Variants in LMBR1 observed in about 807,000 individuals in gnomAD.
LMBR1 encodes limb region 1 protein homolog.
Under a neutral mutation model 73.9 loss-of-function variants are expected in LMBR1, and 52 were observed. The observed-to-expected ratio is 0.70, with a 90% CI of 0.56 to 0.89. The LOEUF (loss-of-function observed/expected upper bound fraction) is 0.89, where lower values mean the gene tolerates loss of function less well. Ranked by LOEUF, LMBR1 falls within the 40% of genes least tolerant of loss-of-function variation. LMBR1 has a pLI of 0.00. For missense variants in LMBR1, 539 were observed against 579.8 expected, an observed-to-expected ratio of 0.93 and a Z score of 0.72; for synonymous variants, 215 against 209.4, an observed-to-expected ratio of 1.03 and a Z score of -0.23.
chr7:156,698,431 G>T (rs1053780909), intron 15 of LMBR1, among the ~76,000 whole-genome samples: 1 of 152,220 alleles, frequency 6.6e-6, no homozygotes, highest in Non-Finnish European at 1.5e-5. Flanking sequence ...CCCTAGCAGA[G>T]GTTCTCCGTG....
At position 156,803,305 on chromosome 7, in the gene LMBR1, G is replaced by A. The variant is rs1445469771; in HGVS notation, c.320-6813C>T. ...ACAATGAACTCAAACAAATTTACAGGAAAAAAACAAACAACCCCATCAAAA... is the reference window on the plus strand; with the variant it reads ...ACAATGAACTCAAACAAATTTACAGAAAAAAAACAAACAACCCCATCAAAA... On this transcript the variant is annotated intron_variant, in intron 4 of 16. Coordinates refer to ENST00000353442, the MANE Select transcript of LMBR1 (RefSeq NM_022458.4). Among the ~76,000 whole-genome samples the A allele has an allele frequency of 2.5e-4, 38 of 150,204 alleles. No homozygotes were observed. The South Asian group carries it at 4.0e-3, about 16-fold the overall frequency.
intron 5 of LMBR1, among the ~76,000 whole-genome samples, chr7:156,783,297 G>A (rs956641526): frequency 2.6e-5 from 4 of 151,842 alleles, no homozygotes; most frequent in African/African-American, 2.4e-5. Flanking sequence ...TTTGCCTCCC[G>A]AGAAGCTGGG....
At chr7:156,757,125 G>A (rs1822043494) in intron 8 of LMBR1, among the ~76,000 whole-genome samples, 1 of 152,062 alleles carries the variant, frequency 6.6e-6, no homozygotes, top group South Asian at 2.1e-4. Flanking sequence ...CAGCCTACAT[G>A]TACCAATTTT....
intron 5 of LMBR1, among the ~76,000 whole-genome samples, chr7:156,793,056 C>T (rs1829504500): frequency 6.6e-6 from 1 of 152,158 alleles, no homozygotes; most frequent in South Asian, 2.1e-4. Context: ...CAAATGTAAT[C>T]GATGAGCAAG....
chr7:156,717,493 A>G (rs1355386596), intron 15 of LMBR1, among the ~76,000 whole-genome samples: 1 of 152,188 alleles, frequency 6.6e-6, no homozygotes, highest in Non-Finnish European at 1.5e-5. Context: ...TGGCCAGAGA[A>G]GCAGAGGGAA....
chr7:156,704,360 T>C (rs1476725658), intron 15 of LMBR1, among the ~76,000 whole-genome samples: 3 of 152,122 alleles, frequency 2.0e-5, no homozygotes, highest in Admixed American at 1.3e-4. Context: ...AAAGAAATCA[T>C]GCAGCGTTTT....
chr7:156,738,544 G>A (rs935798535), intron 9 of LMBR1, among the ~76,000 whole-genome samples: 1 of 152,224 alleles, frequency 6.6e-6, no homozygotes, highest in African/African-American at 2.4e-5. Flanking sequence ...AGGCAGCAGA[G>A]CTCACAGCAA....
At chr7:156,842,626 T>C (rs1240595079) in intron 1 of LMBR1, among the ~76,000 whole-genome samples, 1 of 152,210 alleles carries the variant, frequency 6.6e-6, no homozygotes, top group Non-Finnish European at 1.5e-5. Flanking sequence ...AACTGAGTTT[T>C]TGCTTACACA....
downstream of LMBR1, among the ~76,000 whole-genome samples, chr7:156,674,785 T>G (rs189488821): frequency 6.6e-6 from 1 of 152,366 alleles, no homozygotes; most frequent in African/African-American, 2.4e-5. Context: ...AAAATTAATT[T>G]CACCTTTTAA....
intron 1 of LMBR1, among the ~76,000 whole-genome samples, chr7:156,860,132 T>C (rs1205246006): frequency 6.6e-6 from 1 of 152,144 alleles, no homozygotes; most frequent in Non-Finnish European, 1.5e-5. Flanking sequence ...TAACTCAAAA[T>C]AGATTGTATT....
chr7:156,763,975 T>C (rs1823614470), intron 5 of LMBR1, among the ~76,000 whole-genome samples, 180 bp from the exon 6 acceptor site: 1 of 152,198 alleles, frequency 6.6e-6, no homozygotes, highest in African/African-American at 2.4e-5. Context: ...TTTCAAATTA[T>C]GGAAAATATT....
chr7:156,734,298 C>G (rs1817444944), intron 9 of LMBR1, 41 bp from the exon 10 acceptor site: 3 of 1,334,370 alleles, frequency 2.2e-6, no homozygotes, highest in Non-Finnish European at 3.1e-6. Flanking sequence ...AACAGAACCC[C>G]TAACACTATA....
chr7:156,817,679 G>C (rs572043117), intron 4 of LMBR1, among the ~76,000 whole-genome samples: 1 of 152,054 alleles, frequency 6.6e-6, no homozygotes, highest in South Asian at 2.1e-4. Flanking sequence ...TATGTCCATT[G>C]TATAAATGCA....
intron 4 of LMBR1, among the ~76,000 whole-genome samples, chr7:156,818,094 A>C (rs745588583): frequency 6.6e-6 from 1 of 152,214 alleles, no homozygotes; most frequent in South Asian, 2.1e-4. Context: ...ACAACAGTAC[A>C]TTAAAATTTA....
At chr7:156,735,877 T>C (rs991746679) in intron 9 of LMBR1, among the ~76,000 whole-genome samples, 20 of 152,206 alleles carry the variant, frequency 1.3e-4, no homozygotes, top group African/African-American at 4.8e-4. Flanking sequence ...CTGTATCAGT[T>C]AGAGTTCATT....
chr7:156,724,096 T>C lies in LMBR1; in HGVS notation c.1225+16A>G. 1 of 1,597,636 alleles carries C rather than the reference T, an allele frequency of 6.3e-7. No individual in the cohort carries two copies. The highest frequency in any genetic ancestry group is 8.6e-7 in the Non-Finnish European group (1 of 1,169,190). ...AAACATGGATCTTTAAGTGAAAATTTCTCACTGAAACTTACCCAGTGTTCT... is the reference window on the plus strand; with the variant it reads ...AAACATGGATCTTTAAGTGAAAATTCCTCACTGAAACTTACCCAGTGTTCT... On this transcript the variant is annotated intron_variant, in intron 15 of 16. Coordinates refer to ENST00000353442, the MANE Select transcript of LMBR1 (RefSeq NM_022458.4).
intron 2 of LMBR1, among the ~76,000 whole-genome samples, chr7:156,835,591 AG>A (rs1837470271): frequency 6.6e-6 from 1 of 151,254 alleles, no homozygotes; most frequent in African/African-American, 2.4e-5. Flanking sequence ...GCTACTAGGG[AG>A]GCTGAGGCAG....
At chr7:156,840,529 C>A (rs1236998561) in intron 1 of LMBR1, among the ~76,000 whole-genome samples, 3 of 151,998 alleles carry the variant, frequency 2.0e-5, no homozygotes, top group South Asian at 2.1e-4. Flanking sequence ...TGGGAGCCCA[C>A]TATTCGGGTC....
chr7:156,803,935 T>C (rs181198651), intron 4 of LMBR1, among the ~76,000 whole-genome samples: 4,346 of 136,906 alleles, frequency 0.032, 101 homozygotes, highest in South Asian at 0.077. Flanking sequence ...TAGGTGGGAA[T>C]TGAACAATGA....
Sources: allele counts gnomAD v4.1 joint callset (sites outside exome capture counted in the v4.1 genomes callset), GRCh38; gene constraint gnomAD v4.1.1; transcripts MANE v1.5; gene names NCBI Gene and HGNC (gene_info 2026-07-23, HGNC 2026-07-21).